Variants in GNAS-AS1 observed in about 807,000 individuals in gnomAD.
GNAS-AS1 encodes the protein GNAS antisense RNA 1.
At chr20:58,827,886 C>T (rs1255564655) in intron 4 of GNAS-AS1, among the ~76,000 whole-genome samples, 7 of 152,134 alleles carry the variant, frequency 4.6e-5, no homozygotes, top group Non-Finnish European at 1.0e-4. Context: ...TTAGCTTTAT[C>T]GAATATTTTA....
chr20:58,835,730 T>C (rs983649277), intron 4 of GNAS-AS1, among the ~76,000 whole-genome samples: 7 of 152,344 alleles, frequency 4.6e-5, no homozygotes, highest in South Asian at 4.1e-4. Flanking sequence ...TACTTCGATC[T>C]CCCCACAGTG....
intron 4 of GNAS-AS1, chr20:58,839,389 T>C (rs2085644541): frequency 2.5e-6 from 1 of 399,720 alleles, no homozygotes; most frequent in Non-Finnish European, 4.4e-6. Context: ...GAATATTTGC[T>C]ATTTGGGGTT....
At chr20:58,831,893 C>T (rs367746837) in intron 4 of GNAS-AS1, among the ~76,000 whole-genome samples, 1 of 152,146 alleles carries the variant, frequency 6.6e-6, no homozygotes, top group South Asian at 2.1e-4. Context: ...AAAGTCCCTC[C>T]CCTGAATAAA....
At chr20:58,849,160 G>A (rs1420034645) in intron 1 of GNAS-AS1, among the ~76,000 whole-genome samples, 1 of 152,106 alleles carries the variant, frequency 6.6e-6, no homozygotes, top group Non-Finnish European at 1.5e-5. Context: ...CATCTAGTGG[G>A]TAGAGGCTAG....
chr20:58,844,780 A>AGT (rs2085880030), intron 2 of GNAS-AS1, among the ~76,000 whole-genome samples: 1 of 151,904 alleles, frequency 6.6e-6, no homozygotes, highest in African/African-American at 2.4e-5. Flanking sequence ...CCCGGCCTAC[A>AGT]GTGTGAGACT....
intron 4 of GNAS-AS1, among the ~76,000 whole-genome samples, chr20:58,824,298 T>C (rs1187261877): frequency 1.3e-5 from 2 of 152,250 alleles, no homozygotes; most frequent in African/African-American, 4.8e-5. Flanking sequence ...TTGGTGTGCT[T>C]GAAAATTTCC....
At chr20:58,836,263 G>A (rs562027647) in intron 4 of GNAS-AS1, 10 of 152,270 alleles carry the variant, frequency 6.6e-5, no homozygotes, top group Admixed American at 3.3e-4. Flanking sequence ...CATTGCTTCT[G>A]ACAAAGCGCC....
rs539765804 is a variant in GNAS-AS1, at chr20:58,845,774, T to C, written n.413+3105A>G. Among the ~76,000 whole-genome samples, 49 of 152,116 alleles carry C rather than the reference T, an allele frequency of 3.2e-4. No individual in the cohort carries two copies. The South Asian group carries it at 9.1e-3, about 28-fold the overall frequency. ...AATTCACAGGGCAGAGAAGCCAGAA[T>C]AAACAGCCTAGTGACTTAGTTCTCC... On this transcript the variant is annotated intron_variant and non_coding_transcript_variant, in intron 2 of 4. Coordinates refer to ENST00000424094, the Ensembl canonical transcript of GNAS-AS1.
At chr20:58,836,496 C>G (rs2085604087) in intron 4 of GNAS-AS1, 1 of 152,166 alleles carries the variant, frequency 6.6e-6, no homozygotes. Flanking sequence ...GAGCTGGGAA[C>G]TGCGCTTTCC....
At chr20:58,831,674 T>C (rs992000011) in intron 4 of GNAS-AS1, among the ~76,000 whole-genome samples, 1 of 152,210 alleles carries the variant, frequency 6.6e-6, no homozygotes, top group Non-Finnish European at 1.5e-5. Context: ...TAAAATCTTT[T>C]GGGGAGGGTA....
rs61558260 is a variant in GNAS-AS1, at chr20:58,839,812, C to G, written n.819+2125G>C. The G allele has an allele frequency of 0.038, 22,173 of 585,262 alleles. 879 individuals are homozygous for G. The highest frequency in any genetic ancestry group is 0.15 in the African/African-American group (7,876 of 53,700). The allele number at this position is 585,262 out of a possible 1,614,324, so 36.3% of individuals were successfully genotyped here. Reference sequence around the variant, plus strand: ...GGCACCTCTCTCGAGTCTTAGGCTGCGGAATCTAAGACTCAGCGAGAGGAG... The same window carrying G: ...GGCACCTCTCTCGAGTCTTAGGCTGGGGAATCTAAGACTCAGCGAGAGGAG... On this transcript the variant is annotated intron_variant and non_coding_transcript_variant, in intron 4 of 4. Coordinates refer to ENST00000424094, the Ensembl canonical transcript of GNAS-AS1.
intron 4 of GNAS-AS1, chr20:58,824,218 T>C: frequency 7.6e-6 from 3 of 397,118 alleles, no homozygotes; most frequent in Non-Finnish European, 1.3e-5. Flanking sequence ...GAAGAAAAGG[T>C]GTGGTGACAG....
intron 2 of GNAS-AS1, among the ~76,000 whole-genome samples, chr20:58,845,771 GAAT>G (rs528929261): frequency 4.7e-4 from 72 of 152,148 alleles, no homozygotes; most frequent in Non-Finnish European, 9.0e-4. Context: ...AGAGAAGCCA[GAAT>G]AAACAGCCTA....
chr20:58,840,558 A>G lies in GNAS-AS1; in HGVS notation n.819+1379T>C. Reference sequence around the variant, plus strand: ...GACGATCGCGGCCCGGTGGTGCCCAAGCACTCCACCTTCGGCCAGTCCCTC... The same window carrying G: ...GACGATCGCGGCCCGGTGGTGCCCAGGCACTCCACCTTCGGCCAGTCCCTC... On this transcript the variant is annotated intron_variant and non_coding_transcript_variant, in intron 4 of 4. Coordinates refer to ENST00000424094, the Ensembl canonical transcript of GNAS-AS1. This position sits in a 1 kb window ranked among gnomAD's most constrained non-coding sequence, Gnocchi z 6.0. 6.2e-7 allele frequency: 1 copy of G among 1,613,062 alleles called. No homozygotes were observed. The highest frequency in any genetic ancestry group is 8.5e-7 in the Non-Finnish European group (1 of 1,179,914).
intron 4 of GNAS-AS1, chr20:58,836,188 C>T (rs1042498547): frequency 6.6e-6 from 1 of 152,218 alleles, no homozygotes; most frequent in Non-Finnish European, 1.5e-5. Context: ...CGAGTTCCAA[C>T]CCCACTTGCT....
chr20:58,843,266 G>A (rs1418685370), intron 2 of GNAS-AS1: 1 of 150,250 alleles, frequency 6.7e-6, no homozygotes, highest in Non-Finnish European at 1.5e-5. Context: ...TGATTCAAGG[G>A]TGGAAAAGCC....
rs1848499120 is a variant in GNAS-AS1, at chr20:58,841,021, G to A, written n.819+916C>T. On this transcript the variant is annotated intron_variant and non_coding_transcript_variant, in intron 4 of 4. Coordinates refer to ENST00000424094, the Ensembl canonical transcript of GNAS-AS1. This position sits in a 1 kb window ranked among gnomAD's most constrained non-coding sequence, Gnocchi z 5.0. ...GCTCAGCTGGTCAGCCTGGGATCGG[G>A]GGTCAGGGTGAGGCGGCGAGGGCTC... The A allele has an allele frequency of 2.9e-6, 3 of 1,040,418 alleles. No homozygotes were observed. The highest frequency in any genetic ancestry group is 4.2e-6 in the Non-Finnish European group (3 of 711,128). The allele number at this position is 1,040,418 out of a possible 1,614,324, so 64.4% of individuals were successfully genotyped here.
At chr20:58,824,995 G>C (rs932849884) in intron 4 of GNAS-AS1, among the ~76,000 whole-genome samples, 1 of 152,192 alleles carries the variant, frequency 6.6e-6, no homozygotes, top group Admixed American at 6.5e-5. Flanking sequence ...AAGTGCCCGG[G>C]CTCATCTCGC....
At chr20:58,828,065 C>T (rs2085532193) in intron 4 of GNAS-AS1, among the ~76,000 whole-genome samples, 1 of 152,144 alleles carries the variant, frequency 6.6e-6, no homozygotes, top group South Asian at 2.1e-4. Context: ...CTTAATGCTC[C>T]TATTTTAGGG....
Sources: gnomAD v4.1 joint callset for allele counts (sites outside exome capture counted in the v4.1 genomes callset) on GRCh38, gnomAD v4.1.1 for gene constraint, Gnocchi (gnomAD v3.1) non-coding constraint, MANE v1.5 for transcripts, NCBI Gene and HGNC (gene_info 2026-07-23, HGNC 2026-07-21) for gene names.